RORA: variants seen among roughly 807,000 people sequenced by gnomAD.
RORA encodes RAR related orphan receptor A.
A neutral mutation model predicts 69.5 loss-of-function variants in RORA; 7 were observed. The observed-to-expected ratio is 0.10, with a 90% CI of 0.06 to 0.19. RORA has a LOEUF of 0.19. RORA is among the 10% of genes least tolerant of loss of function. The pLI is 1.00. For synonymous variants in RORA, 261 were observed against 240.8 expected (o/e 1.08, Z -0.78); for missense variants, 457 against 663.0 (o/e 0.69, Z 3.41).
chr15:61,055,802 A>G (rs753543619), intron 1 of RORA, among the ~76,000 whole-genome samples: 3 of 152,240 alleles, frequency 2.0e-5, no homozygotes, highest in Non-Finnish European at 4.4e-5. Context: ...TTAGGATTTG[A>G]GACACGTTTT....
At chr15:61,025,364 G>T (rs1174532259) in intron 1 of RORA, among the ~76,000 whole-genome samples, 4 of 152,184 alleles carry the variant, frequency 2.6e-5, no homozygotes, top group Non-Finnish European at 5.9e-5. Context: ...CCCTTCAAGG[G>T]CTGTGGTCCC....
chr15:60,946,530 G>A (rs558210378), intron 1 of RORA, among the ~76,000 whole-genome samples: 2 of 152,200 alleles, frequency 1.3e-5, no homozygotes, highest in Non-Finnish European at 2.9e-5. Context: ...TCGGCCTCCC[G>A]AGTTGCCGGG....
intron 2 of RORA, among the ~76,000 whole-genome samples, chr15:60,600,246 T>C (rs1398979144): frequency 6.6e-6 from 1 of 152,232 alleles, no homozygotes; most frequent in Admixed American, 6.5e-5. Context: ...GTGGGCTTCA[T>C]TGGGAAATCC....
chr15:60,689,992 G>A (rs530465058), intron 1 of RORA, among the ~76,000 whole-genome samples: 3 of 152,284 alleles, frequency 2.0e-5, no homozygotes, highest in East Asian at 1.9e-4. Flanking sequence ...CTGTGCCAAC[G>A]ACAATTGGCG....
In RORA at chr15:60,505,649, T is replaced by A; in HGVS notation, c.821-20A>T. On this transcript the variant is annotated intron_variant, in intron 5 of 10. Transcript: ENST00000335670. ...GGTGTTCTAAGGAGAAAACGGGAGATCACAAACACGAAAAGCGAAGTTCTT... is the reference window on the plus strand; with the variant it reads ...GGTGTTCTAAGGAGAAAACGGGAGAACACAAACACGAAAAGCGAAGTTCTT... 1 of 1,610,310 alleles carries A rather than the reference T, an allele frequency of 6.2e-7. No homozygotes were observed.
At chr15:60,516,540 A>G (rs993886213) in intron 3 of RORA, among the ~76,000 whole-genome samples, 4 of 151,922 alleles carry the variant, frequency 2.6e-5, no homozygotes, top group Admixed American at 1.3e-4. Flanking sequence ...TTAGTTGTGA[A>G]GATAGATGAC....
At chr15:60,631,759 T>C (rs1350064637) in intron 2 of RORA, among the ~76,000 whole-genome samples, 1 of 152,194 alleles carries the variant, frequency 6.6e-6, no homozygotes, top group Non-Finnish European at 1.5e-5. Flanking sequence ...CTGGCTTACC[T>C]CACTTCTCAC....
intron 1 of RORA, among the ~76,000 whole-genome samples, chr15:60,846,667 A>AC (rs934609437): frequency 3.0e-4 from 46 of 152,360 alleles, no homozygotes; most frequent in African/African-American, 9.9e-4. Flanking sequence ...TTTTGATGGT[A>AC]CCCGCAGGCT....
intron 1 of RORA, among the ~76,000 whole-genome samples, chr15:60,753,182 G>T (rs1286861187): frequency 6.6e-6 from 1 of 152,174 alleles, no homozygotes; most frequent in Admixed American, 6.5e-5. Flanking sequence ...GCGTAGAAAA[G>T]GGACCCCTTT....
chr15:61,119,084 G>GA (rs796892364), intron 1 of RORA, among the ~76,000 whole-genome samples: 1 of 147,526 alleles, frequency 6.8e-6, no homozygotes, highest in East Asian at 2.4e-4. Context: ...TAACAGAAGG[G>GA]GGGGGGGGGC....
chr15:61,033,417 A>C (rs113296533), intron 1 of RORA, among the ~76,000 whole-genome samples: 1 of 5,230 alleles, frequency 1.9e-4, no homozygotes, highest in African/African-American at 3.0e-4. Context: ...TGAAAAAAAA[A>C]ACAAAAACCA....
At chr15:61,054,058 G>T (rs1315516323) in intron 1 of RORA, among the ~76,000 whole-genome samples, 1 of 151,736 alleles carries the variant, frequency 6.6e-6, no homozygotes, top group Non-Finnish European at 1.5e-5. Context: ...AAAGCTGCTG[G>T]GTGGTAGGTG....
At chr15:60,519,878 C>G (rs564562655) in intron 3 of RORA, 2 of 152,340 alleles carry the variant, frequency 1.3e-5, no homozygotes, top group South Asian at 4.1e-4. Context: ...TGCAAGGGCA[C>G]AGAATAACTA....
chr15:60,852,272 C>A (rs1463791350), intron 1 of RORA, among the ~76,000 whole-genome samples: 1 of 152,186 alleles, frequency 6.6e-6, no homozygotes. Flanking sequence ...CTTATAGGAG[C>A]TAACATCATA....
chr15:60,762,539 C>A (rs2071910436), intron 1 of RORA, among the ~76,000 whole-genome samples: 1 of 152,030 alleles, frequency 6.6e-6, no homozygotes, highest in African/African-American at 2.4e-5. Flanking sequence ...GAAACACACA[C>A]AGTACACACA....
chr15:60,818,163 A>C (rs756309505), intron 1 of RORA, among the ~76,000 whole-genome samples: 3 of 152,212 alleles, frequency 2.0e-5, no homozygotes, highest in Non-Finnish European at 4.4e-5. Flanking sequence ...GAAATCAAGG[A>C]ACAAGTACAG....
At chr15:61,056,608 C>G (rs1034226334) in intron 1 of RORA, among the ~76,000 whole-genome samples, 1 of 152,180 alleles carries the variant, frequency 6.6e-6, no homozygotes, top group African/African-American at 2.4e-5. Context: ...ATCCTTCAAT[C>G]TGGTGTTTTT....
intron 1 of RORA, among the ~76,000 whole-genome samples, chr15:61,025,364 G>A (rs1174532259): frequency 6.6e-6 from 1 of 152,184 alleles, no homozygotes; most frequent in Non-Finnish European, 1.5e-5. Flanking sequence ...CCCTTCAAGG[G>A]CTGTGGTCCC....
chr15:60,611,043 C>A (rs1295402266), intron 2 of RORA, among the ~76,000 whole-genome samples: 1 of 152,110 alleles, frequency 6.6e-6, no homozygotes, highest in Non-Finnish European at 1.5e-5. Context: ...GGCCAGTGGT[C>A]TTTCCTAATT....
Sources: allele counts gnomAD v4.1 joint callset (sites outside exome capture counted in the v4.1 genomes callset), GRCh38; gene constraint gnomAD v4.1.1; transcripts MANE v1.5; gene names NCBI Gene and HGNC (gene_info 2026-07-23, HGNC 2026-07-21).